The following DHRS1 variants were observed in gnomAD, a reference collection of about 807,000 sequenced individuals.
The protein encoded by DHRS1 is dehydrogenase/reductase 1.
In DHRS1, 34 loss-of-function variants were observed where a neutral mutation model predicts 35.2. The ratio of observed to expected loss-of-function variants is 0.97; its 90% CI spans 0.74 to 1.29. The LOEUF is 1.29. DHRS1 is among the 50% of genes most tolerant of loss of function. DHRS1 has a pLI of 0.00. For synonymous variants in DHRS1, 133 were observed against 160.0 expected (o/e 0.83, Z 1.27); for missense variants, 354 against 403.6 (o/e 0.88, Z 1.05).
At position 24,292,378 on chromosome 14, in the gene DHRS1, T is replaced by C. The variant is rs943850094; in HGVS notation, c.508-48A>G. On this transcript the variant is annotated intron_variant, in intron 5 of 8. Transcript: ENST00000288111. ...GTAAGAGCCACCTAGCCATGTCACT[T>C]TCCTGCCCTGCCCTCTCTGCTTCTA... is the stretch of plus-strand genomic sequence containing the variant. 5 of 1,608,922 alleles carry C rather than the reference T, an allele frequency of 3.1e-6. No homozygotes were observed. In the African/African-American group the frequency reaches 5.3e-5, roughly 17 times the overall value.
intron 4 of DHRS1, 51 bp downstream of exon 4, chr14:24,296,458 G>A (rs779719370): frequency 1.0e-5 from 16 of 1,581,354 alleles, no homozygotes; most frequent in Non-Finnish European, 1.3e-5. Flanking sequence ...CCTGGCCGTC[G>A]AGTTGGCTAA....
chr14:24,299,168 G>A, intron 1 of DHRS1, 38 bp from the exon 2 acceptor site: 1 of 1,557,442 alleles, frequency 6.4e-7, no homozygotes, highest in Non-Finnish European at 8.7e-7. Flanking sequence ...GAAGCCTGGA[G>A]ACTGTGTGTG....
intron 4 of DHRS1, among the ~76,000 whole-genome samples, chr14:24,294,849 C>T (rs1019928677): frequency 2.6e-5 from 4 of 152,160 alleles, no homozygotes; most frequent in South Asian, 2.1e-4. Flanking sequence ...TATATATTTT[C>T]GGCTTATTAT....
At position 24,291,162 on chromosome 14, in the gene DHRS1, C is replaced by A. The variant is rs763940229; in HGVS notation, c.782G>T (p.Arg261Leu). The A allele has an allele frequency of 1.2e-5, 19 of 1,614,042 alleles. No individual in the cohort carries two copies. Among genetic ancestry groups the A allele is most frequent in the Non-Finnish European group, 8.5e-7 (1 of 1,180,040 alleles). ...ACCGTCCACATCCCGAAGGCCATAG[C>A]GTCGAGCAAGGTCACAGGATGGCAG... The part of the protein sequence containing the change: ...KVLPSCDLAR[R>L]YGLRDVDGRP... The change falls in exon 8 of 9, where the codon CGC becomes CTC. Residue 261 changes from arginine to leucine, a missense_variant. Transcript: ENST00000288111.
In DHRS1 at chr14:24,291,172, G is replaced by A. The variant is rs1230634773; in HGVS notation, c.772C>T (p.Leu258Phe). 1 of 1,614,050 alleles carries A rather than the reference G, an allele frequency of 6.2e-7. No homozygotes were observed. Among genetic ancestry groups the A allele is most frequent in the African/African-American group, 1.3e-5 (1 of 74,930 alleles). Residue 258 changes from leucine to phenylalanine, a missense_variant, in exon 8 of 9, where the codon CTT becomes TTT. Coordinates refer to ENST00000288111, the MANE Select transcript of DHRS1 (RefSeq NM_001136050.3). ...TCCCGAAGGCCATAGCGTCGAGCAA[G>A]GTCACAGGATGGCAGCACCTTACCA... ...LSGKVLPSCD[L>F]ARRYGLRDVD...
At chr14:24,298,578 T>G in intron 2 of DHRS1, 1 of 159,350 alleles carries the variant, frequency 6.3e-6, no homozygotes, top group Non-Finnish European at 1.4e-5. Context: ...AACAAAAAGT[T>G]TTTTACTTTT....
In DHRS1 at chr14:24,290,726, G is replaced by A. The variant is rs147677428; in HGVS notation, c.*133C>T. ...TAGGCGCACCCCAGAACTCACCACG[G>A]ACACACAGCAGAGGGCTTCTCTTCA... is the stretch of plus-strand genomic sequence containing the variant. On this transcript the variant is annotated 3_prime_UTR_variant, in exon 9 of 9. Transcript: ENST00000288111. The A allele has an allele frequency of 3.0e-4, 355 of 1,184,284 alleles. No homozygotes were observed. In the African/African-American group the frequency reaches 5.0e-3, roughly 17 times the overall value. 73.4% of individuals were successfully genotyped at this position (1,184,284 alleles called of 1,614,324 possible). A position where few individuals can be genotyped will look rare whatever the true frequency, so the allele number is the denominator to read the frequency against.
Position 24,292,231 on chromosome 14 carries a change from C to G in DHRS1, c.607G>C (p.Glu203Gln). The stretch of plus-strand genomic sequence containing the variant: ...AGGACCTCCTCCTTTGCCATATGCT[C>G]CTTCAGCAGTTCTGTCTGCACAATC... ...PGIVQTELLK[E>Q]HMAKEEVLQD... Residue 203 changes from glutamate to glutamine, a missense_variant, in exon 6 of 9, where the codon GAG (glutamate) becomes CAG (glutamine). By Grantham distance (29) the Glu-to-Gln change is conservative. Coordinates refer to ENST00000288111, the MANE Select transcript of DHRS1 (RefSeq NM_001136050.3). The G allele has an allele frequency of 6.2e-7, 1 of 1,614,200 alleles. No individual in the cohort carries two copies. Among genetic ancestry groups the G allele is most frequent in the Non-Finnish European group, 8.5e-7 (1 of 1,180,050 alleles).
intron 3 of DHRS1, 46 bp downstream of exon 3, chr14:24,296,692 G>A (rs1161117890): frequency 1.2e-6 from 2 of 1,613,964 alleles, no homozygotes; most frequent in African/African-American, 2.7e-5. Flanking sequence ...AGGGGTCTGA[G>A]GGGGAGGTCA....
In DHRS1 at chr14:24,290,800, G is replaced by A. The variant is rs2041144528; in HGVS notation, c.*59C>T. ...AAAGGCTGCTGTTTCACTGAGACAGGACGAACCACCAAGTCCAAATGAGAA... is the reference window on the plus strand; with the variant it reads ...AAAGGCTGCTGTTTCACTGAGACAGAACGAACCACCAAGTCCAAATGAGAA... On this transcript the variant is annotated 3_prime_UTR_variant, in exon 9 of 9. Transcript: ENST00000288111. The A allele has an allele frequency of 6.2e-7, 1 of 1,603,974 alleles. No homozygotes were observed. Among genetic ancestry groups the A allele is most frequent in the Non-Finnish European group, 8.5e-7 (1 of 1,172,422 alleles).
rs1566404862 is a variant in DHRS1, at chr14:24,296,730, A to G, written c.294+8T>C. ...AATGTGGAGTTGGGAACAAAGTTCA[A>G]AGGGTACCTGGACCCCTGCATAAGC... On this transcript the variant is annotated splice_region_variant and intron_variant, in intron 3 of 8. Transcript: ENST00000288111. The G allele has an allele frequency of 6.2e-7, 1 of 1,614,186 alleles. No homozygotes were observed. The highest frequency in any genetic ancestry group is 8.5e-7 in the Non-Finnish European group (1 of 1,180,030).
At chr14:24,291,930 A>C in intron 6 of DHRS1, 1 of 606,724 alleles carries the variant, frequency 1.6e-6, no homozygotes. Flanking sequence ...TGGTCTTTGG[A>C]GCTAGACAGC....
intron 4 of DHRS1, 104 bp downstream of exon 4, chr14:24,296,405 T>G: frequency 1.8e-6 from 2 of 1,106,040 alleles, no homozygotes; most frequent in South Asian, 1.3e-5. Flanking sequence ...AAGAAAGAGA[T>G]GGGGGAGGCC....
At chr14:24,297,055 G>A (rs929965142) in intron 2 of DHRS1, among the ~76,000 whole-genome samples, 174 bp from the exon 3 acceptor site, 1 of 152,208 alleles carries the variant, frequency 6.6e-6, no homozygotes, top group Non-Finnish European at 1.5e-5. Context: ...AGTAGTTTCA[G>A]GAATGATAGG....
chr14:24,292,894 G>GCTACACAC (rs2041188138), intron 4 of DHRS1, 110 bp from the exon 5 acceptor site: 2 of 1,415,008 alleles, frequency 1.4e-6, no homozygotes, highest in Admixed American at 5.8e-5. Flanking sequence ...CACTAGGAAG[G>GCTACACAC]CTACACAGGG....
chr14:24,298,779 G>C (rs919605049), intron 2 of DHRS1, 178 bp downstream of exon 2: 8 of 863,368 alleles, frequency 9.3e-6, no homozygotes, highest in Non-Finnish European at 1.3e-5. Flanking sequence ...CTCACTTGGC[G>C]GCAAAATTCT....
intron 6 of DHRS1, 169 bp downstream of exon 6, chr14:24,292,015 A>G: frequency 1.2e-6 from 1 of 862,360 alleles, no homozygotes; most frequent in Non-Finnish European, 1.8e-6. Flanking sequence ...CATCTGTAGA[A>G]TGGAGCTGGT....
chr14:24,299,745 C>T lies in DHRS1; in HGVS notation c.-189G>A. On this transcript the variant is annotated 5_prime_UTR_variant, in exon 1 of 9. Transcript: ENST00000288111. ...GAGGTAGAGGGGCAGAGTCCCAGGC[C>T]AAAGTTAGAACCTGCGGATGGGGGC... is the stretch of plus-strand genomic sequence containing the variant. 1 of 573,978 alleles carries T rather than the reference C, an allele frequency of 1.7e-6. No individual in the cohort carries two copies. The highest frequency in any genetic ancestry group is 3.0e-6 in the Non-Finnish European group (1 of 337,864). The allele number at this position is 573,978 out of a possible 1,614,324, so 35.6% of individuals were successfully genotyped here. A position where few individuals can be genotyped will look rare whatever the true frequency, so the allele number is the denominator to read the frequency against.
At chr14:24,295,678 C>T (rs2041237457) in intron 4 of DHRS1, among the ~76,000 whole-genome samples, 1 of 152,214 alleles carries the variant, frequency 6.6e-6, no homozygotes, top group Non-Finnish European at 1.5e-5. Context: ...GGCCAATTTC[C>T]AGCTCTTAAC....
Sources: gnomAD v4.1 joint callset for allele counts (sites outside exome capture counted in the v4.1 genomes callset) on GRCh38, gnomAD v4.1.1 for gene constraint, MANE v1.5 for transcripts, NCBI Gene and HGNC (gene_info 2026-07-23, HGNC 2026-07-21) for gene names.